Variants in WNK4 observed in about 807,000 individuals in gnomAD.
The protein encoded by WNK4 is WNK lysine deficient protein kinase 4, also known as serine/threonine-protein kinase WNK4.
In WNK4, 94 loss-of-function variants were observed where a neutral mutation model predicts 116.2. The ratio of observed to expected loss-of-function variants is 0.81; its 90% confidence interval spans 0.68 to 0.96. The LOEUF (loss-of-function observed/expected upper bound fraction) is 0.96. WNK4 is among the 40% of genes least tolerant of loss of function. The probability of loss-of-function intolerance (pLI) is 0.00; values close to 1 mark genes in which losing one functional copy is unlikely to be tolerated. For synonymous variants in WNK4, 655 were observed against 672.7 expected (o/e 0.97, Z 0.41); for missense variants, 1,542 against 1,650.6 (o/e 0.93, Z 1.14).
At chr17:42,793,353 G>A (rs1295135039) in intron 11 of WNK4, among the ~76,000 whole-genome samples, 3 of 152,184 alleles carry the variant, frequency 2.0e-5, no homozygotes, top group African/African-American at 7.2e-5. Flanking sequence ...TGGGATTACA[G>A]GTGCCCGCCA....
intron 11 of WNK4, among the ~76,000 whole-genome samples, chr17:42,792,605 G>C (rs974554120): frequency 6.6e-6 from 1 of 152,114 alleles, no homozygotes; most frequent in Non-Finnish European, 1.5e-5. Flanking sequence ...AGTGCCTTAC[G>C]TATTACGGGC....
intron 2 of WNK4, among the ~76,000 whole-genome samples, 160 bp downstream of exon 2, chr17:42,783,090 A>G (rs914939255): frequency 3.9e-5 from 6 of 152,056 alleles, no homozygotes; most frequent in South Asian, 4.2e-4. Flanking sequence ...GTGAGTGGCA[A>G]TGTCCACCCA....
At chr17:42,783,395 C>T (rs2054506046) in intron 2 of WNK4, among the ~76,000 whole-genome samples, 1 of 152,200 alleles carries the variant, frequency 6.6e-6, no homozygotes, top group Non-Finnish European at 1.5e-5. Context: ...CAAAGTTTCT[C>T]ATGGCCTTGG....
At position 42,785,457 on chromosome 17, in the gene WNK4, C is replaced by T. The variant is rs1446600356; in HGVS notation, c.1451C>T (p.Ala484Val). The stretch of plus-strand genomic sequence containing the variant: ...TTCCTGTTCCAGCTGGGCCGGGACG[C>T]GGCCGAGGAGGTGGCACAGGAGATG... ...IEFLFQLGRD[A>V]AEEVAQEMVA... Residue 484 changes from alanine (A) to valine (V), a missense_variant, in exon 6 of 19, where the codon GCG (alanine) becomes GTG (valine). Ala to Val is a moderately conservative substitution (Grantham distance 64). This residue lies in a region of WNK4 where 808 missense variants were observed against 873.6 expected (regional missense o/e 0.92). Transcript: ENST00000246914. The T allele has an allele frequency of 1.3e-6, 2 of 1,553,642 alleles. No individual in the cohort carries two copies. The highest frequency in any genetic ancestry group is 1.4e-5 in the African/African-American group (1 of 73,304).
intron 1 of WNK4, among the ~76,000 whole-genome samples, chr17:42,781,584 A>G (rs2054484117): frequency 1.3e-5 from 2 of 152,132 alleles, no homozygotes; most frequent in African/African-American, 4.8e-5. Context: ...GAGAGGTGGA[A>G]AATAGGATGG....
chr17:42,791,373 T>G (rs146512777), intron 11 of WNK4, among the ~76,000 whole-genome samples: 4,020 of 152,326 alleles, frequency 0.026, 179 homozygotes, highest in African/African-American at 0.091. Context: ...GCATGGTGGC[T>G]CACGCCTGTA....
Position 42,796,106 on chromosome 17 carries a change from C to A in WNK4, c.3432-17C>A. ...AGGTGTGTGGCTAGCCCTTTCATGCCCTCCGTGCATCCTCAGGCACTTGTC... is the reference window on the plus strand; with the variant it reads ...AGGTGTGTGGCTAGCCCTTTCATGCACTCCGTGCATCCTCAGGCACTTGTC... On this transcript the variant is annotated splice_polypyrimidine_tract_variant and intron_variant, in intron 16 of 18. Transcript: ENST00000246914. 6.2e-7 allele frequency: 1 copy of A among 1,614,034 alleles called. No individual in the cohort carries two copies. Among genetic ancestry groups the A allele is most frequent in the Non-Finnish European group, 8.5e-7 (1 of 1,180,002 alleles).
In WNK4 at chr17:42,795,696, C is replaced by T; in HGVS notation, c.3094C>T (p.Gln1032Ter). The change falls in exon 16 of 19, where the codon CAG (glutamine) becomes TAG (stop). Residue 1032 changes from glutamine (Q) to a stop codon, truncating the protein, a stop_gained. Coordinates refer to ENST00000246914, the MANE Select transcript of WNK4 (RefSeq NM_032387.5). LOFTEE classifies it high-confidence loss of function. Reference protein sequence around the residue: ...SKEPAEPLPLQPTSPTLSGSP... With the variant: ...SKEPAEPLPL ...GGAACCGGCTGAGCCTCTTCCCTTGCAGCCAACATCCCCCACTCTCTCTGG... is the reference window on the plus strand; with the variant it reads ...GGAACCGGCTGAGCCTCTTCCCTTGTAGCCAACATCCCCCACTCTCTCTGG... The T allele has an allele frequency of 6.2e-7, 1 of 1,613,320 alleles. No homozygotes were observed.
At position 42,782,773 on chromosome 17, in the gene WNK4, A is replaced by G; in HGVS notation, c.634A>G (p.Arg212Gly). Reference sequence around the variant, plus strand: ...CATCCCACAGACTCGGAAACTGTCTAGAGCTGAGCGGCAGCGCTTCTCAGA... The same window carrying G: ...CATCCCACAGACTCGGAAACTGTCTGGAGCTGAGCGGCAGCGCTTCTCAGA... Reference protein sequence around the residue: ...WCELQTRKLSRAERQRFSEEV... With the variant: ...WCELQTRKLSGAERQRFSEEV... Residue 212 changes from arginine to glycine, a missense_variant, in exon 2 of 19, where the codon AGA becomes GGA. Arg to Gly is a moderately radical substitution (Grantham distance 125, BLOSUM62 -2). Transcript: ENST00000246914. The surrounding 1 kb of genome is among the most constrained non-coding windows in gnomAD (Gnocchi z 4.2). 1 of 1,614,118 alleles carries G rather than the reference A, an allele frequency of 6.2e-7. No homozygotes were observed. Among genetic ancestry groups the G allele is most frequent in the Non-Finnish European group, 8.5e-7 (1 of 1,180,008 alleles).
Position 42,782,864 on chromosome 17 carries a change from C to T in WNK4, c.725C>T (p.Ser242Leu), listed in dbSNP as rs763260771. Residue 242 changes from serine (S) to leucine (L), a missense_variant, in exon 2 of 19, where the codon TCG becomes TTG. Around this residue, in one of 7 missense-constraint regions of WNK4, gnomAD observed 808 missense variants for 873.6 expected, o/e 0.92. Transcript: ENST00000246914. The surrounding 1 kb of genome is among the most constrained non-coding windows in gnomAD (Gnocchi z 4.2). ...GTCCGCTTCTATGATTCGTGGAAGT[C>T]GGTGCTGAGGGGCCAGGTTTGCATC... ...NIVRFYDSWKSVLRGQVCIVL... is the reference protein window; with the variant it reads ...NIVRFYDSWKLVLRGQVCIVL... The T allele has an allele frequency of 1.4e-5, 23 of 1,614,010 alleles. No homozygotes were observed. In the South Asian group the frequency reaches 1.9e-4, roughly 13 times the overall value.
Position 42,795,004 on chromosome 17 carries a change from T to A in WNK4, c.2583T>A (p.Ser861=). ...ATCCCTCTCCACACCCCACCAGCTC[T>A]CCACTTCCATTCTCCTCCAGCACAC... The part of the protein sequence containing the change: ...SSNPSPHPTS[S]PLPFSSSTPE... The change falls in exon 14 of 19, where the codon TCT becomes TCA. Residue 861 remains serine (S), a synonymous_variant. Transcript: ENST00000246914. 6.2e-7 allele frequency: 1 copy of A among 1,601,136 alleles called. No individual in the cohort carries two copies.
Position 42,784,121 on chromosome 17 carries a change from A to T in WNK4, c.976A>T (p.Thr326Ser). The T allele has an allele frequency of 6.2e-7, 1 of 1,609,366 alleles. No individual in the cohort carries two copies. Among genetic ancestry groups the T allele is most frequent in the Non-Finnish European group, 8.5e-7 (1 of 1,179,996 alleles). ...CAAAATCGGGGACCTGGGCCTGGCCACGCTCAAGCGCGCCTCCTTTGCCAA... is the reference window on the plus strand; with the variant it reads ...CAAAATCGGGGACCTGGGCCTGGCCTCGCTCAAGCGCGCCTCCTTTGCCAA... The part of the protein sequence containing the change: ...SVKIGDLGLA[T>S]LKRASFAKSV... The change falls in exon 3 of 19, where the codon ACG becomes TCG. Residue 326 changes from threonine (T) to serine (S), a missense_variant. By Grantham distance (58) the Thr-to-Ser change is moderately conservative (BLOSUM62 1). This residue lies in a region of WNK4 where 808 missense variants were observed against 873.6 expected (regional missense o/e 0.92). Coordinates refer to ENST00000246914, the MANE Select transcript of WNK4 (RefSeq NM_032387.5). This position sits in a 1 kb window ranked among gnomAD's most constrained non-coding sequence, Gnocchi z 4.4.
At chr17:42,785,629 T>A in intron 6 of WNK4, 147 bp downstream of exon 6, 1 of 1,047,744 alleles carries the variant, frequency 9.5e-7, no homozygotes, top group Non-Finnish European at 1.4e-6. Flanking sequence ...AGCGTCTCCC[T>A]ACCTCTCCAG....
At chr17:42,783,675 A>T (rs867102243) in intron 2 of WNK4, 101 of 567,688 alleles carry the variant, frequency 1.8e-4, no homozygotes, top group African/African-American at 1.4e-3. Flanking sequence ...GCAGTTAGTC[A>T]TCCCTTCCTG....
In WNK4 at chr17:42,795,622, C is replaced by G; in HGVS notation, c.3023-3C>G. On this transcript the variant is annotated splice_region_variant and splice_polypyrimidine_tract_variant and intron_variant, in intron 15 of 18. Coordinates refer to ENST00000246914, the MANE Select transcript of WNK4 (RefSeq NM_032387.5). Reference sequence around the variant, plus strand: ...TCATGCCTTCTTCCTCGTCGCCCTACAGAGGGAAAGCCGCAGCTTGTTGGG... The same window carrying G: ...TCATGCCTTCTTCCTCGTCGCCCTAGAGAGGGAAAGCCGCAGCTTGTTGGG... 6.2e-7 allele frequency: 1 copy of G among 1,613,966 alleles called. No individual in the cohort carries two copies. Among genetic ancestry groups the G allele is most frequent in the African/African-American group, 1.3e-5 (1 of 75,054 alleles).
At position 42,782,444 on chromosome 17, in the gene WNK4, C is replaced by T. The variant is rs2054494671; in HGVS notation, c.619-314C>T. ...AGCCCCCGGGTGCCCCCTCCCGCCC[C>T]ATGGCCGGCCTGGGCAGCCACAAAG... On this transcript the variant is annotated intron_variant, in intron 1 of 18. Coordinates refer to ENST00000246914, the MANE Select transcript of WNK4 (RefSeq NM_032387.5). This position sits in a 1 kb window ranked among gnomAD's most constrained non-coding sequence, Gnocchi z 4.2. 6.6e-6 allele frequency among the ~76,000 whole-genome samples: 1 copy of T among 152,258 alleles called. No homozygotes were observed. The highest frequency in any genetic ancestry group is 1.5e-5 in the Non-Finnish European group (1 of 68,044).
At chr17:42,781,575 A>G (rs2054483884) in intron 1 of WNK4, among the ~76,000 whole-genome samples, 2 of 152,152 alleles carry the variant, frequency 1.3e-5, no homozygotes, top group South Asian at 4.1e-4. Flanking sequence ...CTCAACCCTG[A>G]GAGGTGGAAA....
Position 42,794,769 on chromosome 17 carries a change from C to T in WNK4, c.2351-3C>T. 6.2e-7 allele frequency: 1 copy of T among 1,614,002 alleles called. No homozygotes were observed. Among genetic ancestry groups the T allele is most frequent in the Non-Finnish European group, 8.5e-7 (1 of 1,179,978 alleles). On this transcript the variant is annotated splice_region_variant and splice_polypyrimidine_tract_variant and intron_variant, in intron 13 of 18. Coordinates refer to ENST00000246914, the MANE Select transcript of WNK4 (RefSeq NM_032387.5). ...TGTGGTCTCAACATACCCTCCTTCC[C>T]AGAAGAGCTCCAGAGCAGCACCTCC...
At chr17:42,787,116 T>A (rs1483851115) in intron 6 of WNK4, among the ~76,000 whole-genome samples, 162 bp from the exon 7 acceptor site, 1 of 152,196 alleles carries the variant, frequency 6.6e-6, no homozygotes, top group African/African-American at 2.4e-5. Context: ...TTGGAGGATC[T>A]AGTGATGATA....
Sources: allele counts gnomAD v4.1 joint callset (sites outside exome capture counted in the v4.1 genomes callset), GRCh38; gene constraint gnomAD v4.1.1; regional missense constraint gnomAD v4.1.1; non-coding constraint Gnocchi (gnomAD v3.1); transcripts MANE v1.5; gene names NCBI Gene and HGNC (gene_info 2026-07-23, HGNC 2026-07-21).